Variants in PTK2B observed in about 807,000 individuals in gnomAD.
PTK2B encodes protein tyrosine kinase 2 beta.
Under a neutral mutation model 142.9 loss-of-function variants are expected in PTK2B, and 71 were observed. That is an observed-to-expected ratio of 0.50 (90% CI 0.41 to 0.61). The LOEUF is 0.61. PTK2B is among the 20% of genes least tolerant of loss of function. The pLI, the probability that PTK2B is intolerant of heterozygous loss-of-function variation, is 0.00. For synonymous variants in PTK2B, 519 were observed against 503.4 expected (o/e 1.03, Z -0.42); for missense variants, 1,105 against 1,320.4 (o/e 0.84, Z 2.53).
chr8:27,446,350 C>T (rs1449011956), intron 24 of PTK2B, among the ~76,000 whole-genome samples: 2 of 152,204 alleles, frequency 1.3e-5, no homozygotes, highest in Admixed American at 1.3e-4. Flanking sequence ...TTTCTTGTGG[C>T]TGCTCCCCTT....
intron 3 of PTK2B, among the ~76,000 whole-genome samples, chr8:27,316,634 T>C (rs955290844): frequency 6.6e-6 from 1 of 152,238 alleles, no homozygotes; most frequent in African/African-American, 2.4e-5. Flanking sequence ...TAATCGACCT[T>C]GTTCATCAGA....
rs567189293 is a variant in PTK2B, at chr8:27,363,366, T to C, written c.-37-34182T>C. 6.6e-6 allele frequency among the ~76,000 whole-genome samples: 1 copy of C among 152,312 alleles called. No individual in the cohort carries two copies. The highest frequency in any genetic ancestry group is 2.1e-4 in the South Asian group (1 of 4,826). On this transcript the variant is annotated intron_variant, in intron 1 of 30. Transcript: ENST00000346049. This position sits in a 1 kb window ranked among gnomAD's most constrained non-coding sequence, Gnocchi z 4.3. ...GGTGGAAGTGAGATGGGTTTTGTTC[T>C]GTGCATCTCCATGAGCAGGCCCAGG...
In PTK2B at chr8:27,366,980, G is replaced by A. The variant is rs538115319; in HGVS notation, c.-37-30568G>A. Among the ~76,000 whole-genome samples, 114 of 152,272 alleles carry A rather than the reference G, an allele frequency of 7.5e-4. 1 individual carries two copies. The South Asian group carries it at 8.5e-3, about 11-fold the overall frequency. ...CGGCTGGCACTGGAATGCTCAATGT[G>A]AGGAGGTAGAAGGTGCCTGAGACCA... On this transcript the variant is annotated intron_variant, in intron 1 of 30. Coordinates refer to ENST00000346049, the MANE Select transcript of PTK2B (RefSeq NM_173176.3).
At chr8:27,435,082 A>G (rs1810689073) in intron 13 of PTK2B, among the ~76,000 whole-genome samples, 1 of 152,232 alleles carries the variant, frequency 6.6e-6, no homozygotes, top group Non-Finnish European at 1.5e-5. Context: ...TGCCATAACA[A>G]AATACTATAG....
intron 2 of PTK2B, among the ~76,000 whole-genome samples, chr8:27,418,475 C>G (rs1200032354): frequency 6.6e-6 from 1 of 152,184 alleles, no homozygotes; most frequent in Non-Finnish European, 1.5e-5. Context: ...TAGAAACTGT[C>G]TTGGGAGGCA....
At chr8:27,439,287 C>A in intron 19 of PTK2B, 22 bp from the exon 20 acceptor site, 7 of 1,597,674 alleles carry the variant, frequency 4.4e-6, no homozygotes, top group Middle Eastern at 1.7e-4. Flanking sequence ...CCCTAAAAAT[C>A]AACCTCTTTG....
At chr8:27,426,814 C>T (rs1256545731) in intron 5 of PTK2B, among the ~76,000 whole-genome samples, 1 of 152,156 alleles carries the variant, frequency 6.6e-6, no homozygotes, top group Non-Finnish European at 1.5e-5. Context: ...AACATTTTTC[C>T]ATTCACTACC....
At chr8:27,416,395 A>G (rs2131747991) in intron 2 of PTK2B, among the ~76,000 whole-genome samples, 1 of 152,002 alleles carries the variant, frequency 6.6e-6, no homozygotes, top group African/African-American at 2.4e-5. Context: ...GATTTTTGAC[A>G]AAGAAAAGCA....
At chr8:27,335,696 G>A (rs1349972950) in intron 1 of PTK2B, among the ~76,000 whole-genome samples, 1 of 152,108 alleles carries the variant, frequency 6.6e-6, no homozygotes, top group East Asian at 1.9e-4. Context: ...CCCTGGAAGA[G>A]GGCACAGGAG....
upstream of PTK2B, chr8:27,323,236 A>G (rs1803262852): frequency 6.6e-6 from 1 of 152,284 alleles, no homozygotes; most frequent in African/African-American, 2.4e-5. Context: ...GGGAGAGTCA[A>G]AGGTGACTTC....
At chr8:27,376,667 A>C (rs1011055554) in intron 1 of PTK2B, among the ~76,000 whole-genome samples, 2 of 152,174 alleles carry the variant, frequency 1.3e-5, no homozygotes, top group Non-Finnish European at 2.9e-5. Context: ...TGGCGATGAG[A>C]GTGTCCTCTG....
chr8:27,411,607 G>A (rs577660902), intron 2 of PTK2B, among the ~76,000 whole-genome samples: 1 of 152,306 alleles, frequency 6.6e-6, no homozygotes, highest in South Asian at 2.1e-4. Flanking sequence ...CATCCTATTG[G>A]AAGTACATGT....
chr8:27,332,178 A>G (rs1803793591), intron 1 of PTK2B, among the ~76,000 whole-genome samples: 1 of 152,240 alleles, frequency 6.6e-6, no homozygotes, highest in South Asian at 2.1e-4. Flanking sequence ...GCAAGAGGAA[A>G]GAGAGTCAGA....
chr8:27,435,854 G>C, intron 14 of PTK2B, 61 bp downstream of exon 14: 2 of 1,538,176 alleles, frequency 1.3e-6, no homozygotes, highest in Non-Finnish European at 1.8e-6. Flanking sequence ...ACATGGCAAG[G>C]ACTCTGGTGA....
chr8:27,313,755 C>G (rs985156116), intron 3 of PTK2B, among the ~76,000 whole-genome samples: 3 of 152,204 alleles, frequency 2.0e-5, no homozygotes, highest in African/African-American at 7.2e-5. Flanking sequence ...CCCAAGCTCA[C>G]TCACCCAATT....
upstream of PTK2B, among the ~76,000 whole-genome samples, chr8:27,325,192 AGTT>A (rs1803338352): frequency 2.0e-5 from 3 of 152,162 alleles, no homozygotes; most frequent in South Asian, 6.2e-4. Flanking sequence ...CAGCCTGAGA[AGTT>A]GGTTTCCTCC....
Position 27,458,920 on chromosome 8 carries a change from G to A in PTK2B, c.*411G>A. The A allele has an allele frequency of 3.0e-6, 1 of 332,054 alleles. No individual in the cohort carries two copies. Among genetic ancestry groups the A allele is most frequent in the East Asian group, 4.9e-5 (1 of 20,406 alleles). 20.6% of individuals were successfully genotyped at this position (332,054 alleles called of 1,614,324 possible). On this transcript the variant is annotated 3_prime_UTR_variant, in exon 31 of 31. Coordinates refer to ENST00000346049, the MANE Select transcript of PTK2B (RefSeq NM_173176.3). ...CCTCTTCGGCCCTCAGATGTCCCTT[G>A]ATGCACAGAGAAGCTGGGGAGGAGC... is the stretch of plus-strand genomic sequence containing the variant.
intron 21 of PTK2B, among the ~76,000 whole-genome samples, chr8:27,441,659 C>T (rs1225418277): frequency 1.3e-5 from 2 of 152,220 alleles, no homozygotes; most frequent in African/African-American, 4.8e-5. Context: ...TAAAAGGCAT[C>T]TCTGTTCCTC....
intron 2 of PTK2B, among the ~76,000 whole-genome samples, chr8:27,403,734 G>T (rs923914290): frequency 6.6e-6 from 1 of 150,994 alleles, no homozygotes; most frequent in Non-Finnish European, 1.5e-5. Context: ...CACACAGGGC[G>T]GCTCTCTTTG....
Sources: allele counts gnomAD v4.1 joint callset (sites outside exome capture counted in the v4.1 genomes callset), GRCh38; gene constraint gnomAD v4.1.1; non-coding constraint Gnocchi (gnomAD v3.1); transcripts MANE v1.5; gene names NCBI Gene and HGNC (gene_info 2026-07-23, HGNC 2026-07-21).